The following SNX24 variants were observed in gnomAD, a reference collection of about 807,000 sequenced individuals.
SNX24 encodes the protein sorting nexin-24.
SNX24 carries 22 observed loss-of-function variants against 28.7 expected under a neutral mutation model. The ratio of observed to expected loss-of-function variants is 0.77; its 90% CI spans 0.55 to 1.10. The LOEUF (loss-of-function observed/expected upper bound fraction) is 1.10, where lower values mean the gene tolerates loss of function less well. Among genes scored for constraint, SNX24 ranks in the 50% least tolerant of loss-of-function variants. The pLI, the probability that SNX24 is intolerant of heterozygous loss-of-function variation, is 0.00. For synonymous variants in SNX24, 69 were observed against 71.5 expected (o/e 0.96, Z 0.18); for missense variants, 221 against 201.1 (o/e 1.10, Z -0.60).
At chr5:122,892,471 A>G (rs777598969) in intron 1 of SNX24, among the ~76,000 whole-genome samples, 23 of 151,564 alleles carry the variant, frequency 1.5e-4, no homozygotes, top group Non-Finnish European at 3.1e-4. Flanking sequence ...TTTTTTATTG[A>G]GACAGAGTCT....
chr5:122,907,828 C>T (rs1024851132), intron 1 of SNX24, among the ~76,000 whole-genome samples: 1 of 151,562 alleles, frequency 6.6e-6, no homozygotes, highest in African/African-American at 2.4e-5. Context: ...AACTTCTTAA[C>T]ACCGTGGTAT....
chr5:122,970,670 G>A (rs1048948479), intron 3 of SNX24, among the ~76,000 whole-genome samples: 3 of 152,192 alleles, frequency 2.0e-5, no homozygotes, highest in East Asian at 3.9e-4. Context: ...GGGTTTCACC[G>A]TGTTAGCCAG....
At chr5:122,960,578 C>T (rs1370847643) in intron 3 of SNX24, among the ~76,000 whole-genome samples, 4 of 152,086 alleles carry the variant, frequency 2.6e-5, no homozygotes, top group Admixed American at 6.6e-5. Context: ...ATAGTGCTAG[C>T]AGTTAATATT....
chr5:123,000,340 G>A (rs6866400), intron 4 of SNX24, among the ~76,000 whole-genome samples: 54,553 of 152,120 alleles, frequency 0.36, 10,461 homozygotes, highest in African/African-American at 0.46. Context: ...GTGGAAACTC[G>A]AACAAAATTC....
chr5:122,991,130 C>G (rs1761829044), intron 3 of SNX24, among the ~76,000 whole-genome samples: 1 of 152,138 alleles, frequency 6.6e-6, no homozygotes, highest in South Asian at 2.1e-4. Context: ...CTCCTGACCT[C>G]AAGTGATCCA....
intron 3 of SNX24, among the ~76,000 whole-genome samples, chr5:122,979,334 G>A (rs189756213): frequency 1.6e-4 from 25 of 152,288 alleles, no homozygotes; most frequent in Non-Finnish European, 2.6e-4. Context: ...TCTGTTCTGC[G>A]GCCCGAAGCA....
chr5:122,845,674 A>G lies in SNX24; in HGVS notation c.41A>G (p.Asp14Gly). Residue 14 changes from aspartate (D) to glycine (G), a missense_variant, in exon 1 of 7, where the codon GAC becomes GGC. Coordinates refer to ENST00000261369, the MANE Select transcript of SNX24 (RefSeq NM_014035.4). The stretch of plus-strand genomic sequence containing the variant: ...CCGTCCTTTCGCTATGAAGAGAGCG[A>G]CCTGGAGCGGGGATACACGGTAGGC... ...YIPSFRYEESDLERGYTVFKI... is the reference protein window; with the variant it reads ...YIPSFRYEESGLERGYTVFKI... 1.4e-6 allele frequency: 2 copies of G among 1,424,208 alleles called. No homozygotes were observed. The highest frequency in any genetic ancestry group is 1.6e-5 in the South Asian group (1 of 60,808). The allele number at this position is 1,424,208 out of a possible 1,614,324, so 88.2% of individuals were successfully genotyped here. A position where few individuals can be genotyped will look rare whatever the true frequency, so the allele number is the denominator to read the frequency against.
At chr5:122,913,985 C>T (rs1758045211) in intron 1 of SNX24, among the ~76,000 whole-genome samples, 1 of 152,180 alleles carries the variant, frequency 6.6e-6, no homozygotes, top group South Asian at 2.1e-4. Context: ...CGGCGCGCAC[C>T]TGCAATCGCA....
At chr5:123,010,909 T>C (rs1023388215), downstream of SNX24, among the ~76,000 whole-genome samples, 1 of 151,942 alleles carries the variant, frequency 6.6e-6, no homozygotes, top group Non-Finnish European at 1.5e-5. Context: ...TAAAGTGCTA[T>C]TCTCTTTTTA....
chr5:122,945,963 T>C, intron 2 of SNX24, 92 bp from the exon 3 acceptor site: 1 of 621,650 alleles, frequency 1.6e-6, no homozygotes, highest in East Asian at 3.0e-5. Context: ...TCACTTTCTT[T>C]TATTGGCCTT....
chr5:122,995,203 G>GA, intron 3 of SNX24, among the ~76,000 whole-genome samples: 1 of 152,250 alleles, frequency 6.6e-6, no homozygotes, highest in East Asian at 1.9e-4. Flanking sequence ...GCTTCAATTA[G>GA]AAAATGACTC....
chr5:122,857,649 G>C (rs1755262214), intron 1 of SNX24, among the ~76,000 whole-genome samples: 1 of 152,142 alleles, frequency 6.6e-6, no homozygotes, highest in African/African-American at 2.4e-5. Context: ...TTATAAGTGA[G>C]AACATGTGGT....
At chr5:122,976,322 A>T (rs1274614002) in intron 3 of SNX24, among the ~76,000 whole-genome samples, 1 of 149,154 alleles carries the variant, frequency 6.7e-6, no homozygotes, top group Non-Finnish European at 1.5e-5. Flanking sequence ...AGGCAAAAAG[A>T]TCTTATCTTT....
chr5:122,891,126 G>T, intron 1 of SNX24: 1 of 1,490,350 alleles, frequency 6.7e-7, no homozygotes, highest in Non-Finnish European at 8.9e-7. Flanking sequence ...TACATATCAG[G>T]TATTTTTGAC....
At chr5:122,937,891 G>A (rs1233431093) in intron 2 of SNX24, among the ~76,000 whole-genome samples, 4 of 152,200 alleles carry the variant, frequency 2.6e-5, no homozygotes. Context: ...CCAGGGAAGT[G>A]TGTTTTTGTT....
intron 1 of SNX24, among the ~76,000 whole-genome samples, chr5:122,878,901 A>G (rs1756350301): frequency 6.6e-6 from 1 of 151,732 alleles, no homozygotes; most frequent in Non-Finnish European, 1.5e-5. Flanking sequence ...GTTTGAGCCC[A>G]GGAGGTCAAG....
chr5:122,977,429 G>A (rs1281940094), intron 3 of SNX24, among the ~76,000 whole-genome samples: 1 of 146,386 alleles, frequency 6.8e-6, no homozygotes, highest in Non-Finnish European at 1.5e-5. Flanking sequence ...TAGAGAAAAT[G>A]CTGCTCACTT....
At chr5:122,872,276 A>G (rs1756013209) in intron 1 of SNX24, among the ~76,000 whole-genome samples, 1 of 151,948 alleles carries the variant, frequency 6.6e-6, no homozygotes, top group African/African-American at 2.4e-5. Flanking sequence ...TTAAGAACAA[A>G]TGAATAATGG....
intron 4 of SNX24, among the ~76,000 whole-genome samples, chr5:123,000,999 A>G (rs1762225565): frequency 6.6e-6 from 1 of 152,214 alleles, no homozygotes; most frequent in Admixed American, 6.5e-5. Context: ...CACTTATTGC[A>G]TAACAAAAAT....
Sources: gnomAD v4.1 joint callset for allele counts (sites outside exome capture counted in the v4.1 genomes callset) on GRCh38, gnomAD v4.1.1 for gene constraint, MANE v1.5 for transcripts, NCBI Gene and HGNC (gene_info 2026-07-23, HGNC 2026-07-21) for gene names.